The following ATP7A variants were observed in gnomAD, a reference collection of about 807,000 sequenced individuals.
ATP7A encodes copper-transporting ATPase 1.
ATP7A carries 7 observed loss-of-function variants against 83.5 expected under a neutral mutation model. The observed-to-expected ratio is 0.08, with a 90% CI of 0.05 to 0.16. The LOEUF (loss-of-function observed/expected upper bound fraction) is 0.16. Ranked by LOEUF, ATP7A falls within the 10% of genes least tolerant of loss-of-function variation. The pLI is 1.00. For synonymous variants in ATP7A, 354 were observed against 395.2 expected, an observed-to-expected ratio of 0.90 and a Z score of 1.24; for missense variants, 940 against 1,120.8, an observed-to-expected ratio of 0.84 and a Z score of 2.30.
chrX:78,015,211 T>A (rs782034399), intron 11 of ATP7A, among the ~76,000 whole-genome samples: 1 of 111,912 alleles, frequency 8.9e-6, no homozygotes, highest in Admixed American at 9.5e-5. Context: ...AAACAGCGCC[T>A]CTCTTCTTTC....
chrX:78,035,066 G>A (rs907292962), intron 17 of ATP7A, among the ~76,000 whole-genome samples: 6 of 111,190 alleles, frequency 5.4e-5, no homozygotes, highest in African/African-American at 1.6e-4. Flanking sequence ...ATTGTCCTTT[G>A]GTTCCTCATT....
At chrX:78,043,511 A>G in intron 21 of ATP7A, 77 bp downstream of exon 21, 1 of 826,537 alleles carries the variant, frequency 1.2e-6, no homozygotes, top group Non-Finnish European at 1.8e-6. Context: ...CTGTCTTCTT[A>G]CTATTAGTTT....
chrX:77,960,682 T>C (rs1448365215), intron 1 of ATP7A, among the ~76,000 whole-genome samples: 2 of 111,763 alleles, frequency 1.8e-5, no homozygotes, highest in African/African-American at 6.5e-5. Context: ...ATATTACTGA[T>C]GGTGATTACC....
At chrX:78,027,800 C>T (rs1386589544) in intron 14 of ATP7A, among the ~76,000 whole-genome samples, 7 of 111,029 alleles carry the variant, frequency 6.3e-5, no homozygotes, top group African/African-American at 2.0e-4. Flanking sequence ...CTACAACCAA[C>T]TGATCTTCAA....
Position 78,043,216 on chromosome X carries a change from C to G in ATP7A, c.4006-101C>G. 3 of 624,610 alleles carry G rather than the reference C, an allele frequency of 4.8e-6. No individual in the cohort carries two copies. In the Admixed American group the frequency reaches 6.8e-5, roughly 14 times the overall value. 51.5% of individuals were successfully genotyped at this position (624,610 alleles called of 1,213,427 possible). Reference sequence around the variant, plus strand: ...AGATTTGTAATTAATTCACATATTACCCTAAGGTAGACGTAATCTTCAACA... The same window carrying G: ...AGATTTGTAATTAATTCACATATTAGCCTAAGGTAGACGTAATCTTCAACA... On this transcript the variant is annotated intron_variant, in intron 20 of 22. Coordinates refer to ENST00000341514, the MANE Select transcript of ATP7A (RefSeq NM_000052.7).
At chrX:77,996,816 C>T (rs1219944596) in intron 4 of ATP7A, among the ~76,000 whole-genome samples, 1 of 110,831 alleles carries the variant, frequency 9.0e-6, no homozygotes, top group Non-Finnish European at 1.9e-5. Context: ...AATTAAGTCT[C>T]AATAGTAATT....
chrX:78,046,559 A>G lies in ATP7A; in HGVS notation c.4492A>G (p.Thr1498Ala), dbSNP rs781904609. 5.8e-6 allele frequency: 7 copies of G among 1,211,768 alleles called. No homozygotes were observed. The highest frequency in any genetic ancestry group is 7.8e-6 in the Non-Finnish European group (7 of 895,556). ...GGGAGACTTCAGGGAAGATGATGAC[A>G]CTGCATTATAAAAGGCCATGGAGAG... ...LVGDFREDDD[T>A]AL Residue 1498 changes from threonine (T) to alanine (A), a missense_variant, in exon 23 of 23, where the codon ACT becomes GCT. By Grantham distance (58) the Thr-to-Ala change is moderately conservative. This residue lies in a region of ATP7A where 386 missense variants were observed against 502.2 expected (regional missense o/e 0.77). Coordinates refer to ENST00000341514, the MANE Select transcript of ATP7A (RefSeq NM_000052.7).
intron 14 of ATP7A, among the ~76,000 whole-genome samples, chrX:78,026,212 CAT>C: frequency 9.0e-6 from 1 of 111,697 alleles, no homozygotes. Context: ...GGTAATAACT[CAT>C]AGGTTGAAGG....
At chrX:77,988,933 G>C (rs2077654031) in intron 3 of ATP7A, among the ~76,000 whole-genome samples, 1 of 111,341 alleles carries the variant, frequency 9.0e-6, no homozygotes, top group African/African-American at 3.3e-5. Flanking sequence ...AGAAAAGGCA[G>C]CTGGGTTGGC....
chrX:78,043,748 C>T (rs1298078455), intron 21 of ATP7A, among the ~76,000 whole-genome samples: 1 of 103,076 alleles, frequency 9.7e-6, no homozygotes, highest in Non-Finnish European at 2.0e-5. Flanking sequence ...GCCTCCATCT[C>T]CTGGGTTCAA....
chrX:77,927,566 A>T (rs1392235900), intron 1 of ATP7A, among the ~76,000 whole-genome samples: 1 of 111,929 alleles, frequency 8.9e-6, no homozygotes, highest in African/African-American at 3.2e-5. Context: ...CATACATCTT[A>T]GTACAGTTGT....
intron 1 of ATP7A, chrX:77,969,725 C>A: frequency 9.3e-7 from 1 of 1,075,179 alleles, no homozygotes; most frequent in Non-Finnish European, 1.3e-6. Flanking sequence ...CACCCTTATT[C>A]CCTAACCACT....
chrX:77,983,188 A>G (rs1463748550), intron 2 of ATP7A, among the ~76,000 whole-genome samples: 3 of 112,250 alleles, frequency 2.7e-5, no homozygotes, highest in African/African-American at 9.7e-5. Context: ...ACCTTTCCCT[A>G]TCAAATAAGA....
Position 78,040,746 on chromosome X carries a change from G to T in ATP7A, c.3801+13G>T, listed in dbSNP as rs1446081991. The stretch of plus-strand genomic sequence containing the variant: ...TATTGCTTCTCAGGTAATTGATAGG[G>T]GTATGTGATAACTTCTAATTATTGA... On this transcript the variant is annotated intron_variant, in intron 19 of 22. Coordinates refer to ENST00000341514, the MANE Select transcript of ATP7A (RefSeq NM_000052.7). 3.9e-5 allele frequency: 47 copies of T among 1,204,690 alleles called. No individual in the cohort carries two copies. The highest frequency in any genetic ancestry group is 4.9e-5 in the Non-Finnish European group (44 of 890,996).
intron 1 of ATP7A, among the ~76,000 whole-genome samples, chrX:77,953,034 G>A (rs1050202103): frequency 1.8e-5 from 2 of 111,217 alleles, no homozygotes; most frequent in Admixed American, 9.6e-5. Context: ...CGCCCATCTC[G>A]ACCTCCCAAA....
intron 1 of ATP7A, among the ~76,000 whole-genome samples, chrX:77,929,500 G>T (rs1486478748): frequency 8.9e-6 from 1 of 111,947 alleles, no homozygotes; most frequent in Non-Finnish European, 1.9e-5. Flanking sequence ...TTAGGCAAAG[G>T]AGCTCTCACT....
chrX:77,943,224 T>C (rs1480679983), intron 1 of ATP7A, among the ~76,000 whole-genome samples: 2 of 112,737 alleles, frequency 1.8e-5, no homozygotes, highest in Non-Finnish European at 3.7e-5. Context: ...GATTCTCTTA[T>C]AAATTTAAGA....
chrX:78,006,427 AAC>A (rs1185297694), intron 6 of ATP7A, among the ~76,000 whole-genome samples: 1 of 112,478 alleles, frequency 8.9e-6, no homozygotes, highest in Non-Finnish European at 1.9e-5. Flanking sequence ...AGCTATTAAA[AAC>A]AATGAAAAAG....
At chrX:77,932,649 A>T (rs1013449687) in intron 1 of ATP7A, among the ~76,000 whole-genome samples, 34 of 112,578 alleles carry the variant, frequency 3.0e-4, no homozygotes, top group Admixed American at 2.6e-3. Flanking sequence ...CCGTCTGCAA[A>T]CCCGGCACCT....
Sources: allele counts gnomAD v4.1 joint callset (sites outside exome capture counted in the v4.1 genomes callset), GRCh38; gene constraint gnomAD v4.1.1; regional missense constraint gnomAD v4.1.1; transcripts MANE v1.5; gene names NCBI Gene and HGNC (gene_info 2026-07-23, HGNC 2026-07-21).